The following GALK2 variants were observed in gnomAD, a reference collection of about 807,000 sequenced individuals.
GALK2 encodes N-acetylgalactosamine kinase.
A neutral mutation model predicts 52.4 loss-of-function variants in GALK2; 36 were observed. The ratio of observed to expected loss-of-function variants is 0.69; its 90% confidence interval spans 0.53 to 0.91. The LOEUF is 0.91. Among genes scored for constraint, GALK2 ranks in the 40% least tolerant of loss-of-function variants. The pLI is 0.00. For synonymous variants in GALK2, 176 were observed against 199.1 expected (o/e 0.88, Z 0.98); for missense variants, 579 against 559.1 (o/e 1.04, Z -0.36).
chr15:49,334,337 A>C (rs1188469986), downstream of GALK2: 12 of 593,790 alleles, frequency 2.0e-5, no homozygotes, highest in Non-Finnish European at 2.3e-5. Context: ...TAATGCAGGC[A>C]TTACTAATTG....
rs979784503 is a variant in GALK2, at chr15:49,186,185, A to T, written c.54-14977A>T. On this transcript the variant is annotated intron_variant, in intron 1 of 9. Transcript: ENST00000560031. ...AAAGTTCTCTTTTATTATCCCTTTG[A>T]ATAAACGTCCTATCCCAGTCTCTCT... 4.6e-5 allele frequency among the ~76,000 whole-genome samples: 7 copies of T among 152,196 alleles called. No individual in the cohort carries two copies. The East Asian group carries it at 1.3e-3, about 29-fold the overall frequency.
At chr15:49,353,697 GTAT>G (rs974631389) in intron 3 of GALK2, 16 of 150,140 alleles carry the variant, frequency 1.1e-4, no homozygotes, top group African/African-American at 3.9e-4. Flanking sequence ...TTCGCCCAGA[GTAT>G]TTTAGAAGGA....
At chr15:49,303,240 T>C (rs2141876418) in intron 8 of GALK2, among the ~76,000 whole-genome samples, 1 of 152,322 alleles carries the variant, frequency 6.6e-6, no homozygotes, top group Admixed American at 6.5e-5. Context: ...TCCCTATTCA[T>C]TGGTTCACCT....
chr15:49,363,209 T>C (rs1189140170), intron 3 of GALK2, among the ~76,000 whole-genome samples: 1 of 152,248 alleles, frequency 6.6e-6, no homozygotes, highest in Non-Finnish European at 1.5e-5. Context: ...TAAATTGCTT[T>C]GGGCAGTATG....
intron 1 of GALK2, among the ~76,000 whole-genome samples, chr15:49,190,864 A>G (rs139847400): frequency 8.6e-4 from 131 of 152,158 alleles, no homozygotes; most frequent in Middle Eastern, 3.4e-3. Flanking sequence ...TTTTTTGTCT[A>G]TAAATTTGTT....
chr15:49,266,618 G>A (rs569808695), intron 5 of GALK2, among the ~76,000 whole-genome samples: 42 of 152,172 alleles, frequency 2.8e-4, no homozygotes, highest in African/African-American at 8.4e-4. Flanking sequence ...GACATAGATC[G>A]CTTAAAACTG....
intron 2 of GALK2, among the ~76,000 whole-genome samples, chr15:49,214,228 G>A (rs953634872): frequency 1.3e-5 from 2 of 151,658 alleles, no homozygotes; most frequent in African/African-American, 4.9e-5. Context: ...TTAAGCAGAT[G>A]ACAGCTTAAC....
intron 5 of GALK2, among the ~76,000 whole-genome samples, chr15:49,261,475 A>G (rs2092106792): frequency 6.6e-6 from 1 of 152,016 alleles, no homozygotes; most frequent in Admixed American, 6.5e-5. Context: ...GGGCTGAGAC[A>G]ATGGGGTTTT....
At chr15:49,198,857 C>CCCTCCCTA (rs2087477720) in intron 1 of GALK2, 1 of 138,088 alleles carries the variant, frequency 7.2e-6, no homozygotes, top group Non-Finnish European at 1.6e-5. Context: ...CTCCCTCCCT[C>CCCTCCCTA]CCTCCCTTCC....
At chr15:49,354,413 G>A (rs994101520) in intron 3 of GALK2, among the ~76,000 whole-genome samples, 2 of 152,218 alleles carry the variant, frequency 1.3e-5, no homozygotes, top group Admixed American at 1.3e-4. Context: ...CCGAAGCAGG[G>A]CGAGGCATTG....
intron 5 of GALK2, among the ~76,000 whole-genome samples, chr15:49,276,904 G>GTT (rs34440691): frequency 0.15 from 11,397 of 77,376 alleles, 737 homozygotes; most frequent in Non-Finnish European, 0.17. Flanking sequence ...AGAATCTGAG[G>GTT]TTTTTTTTTT....
chr15:49,328,243 T>A lies in GALK2; in HGVS notation c.*84T>A. 1 of 1,497,472 alleles carries A rather than the reference T, an allele frequency of 6.7e-7. No individual in the cohort carries two copies. Among genetic ancestry groups the A allele is most frequent in the Non-Finnish European group, 8.9e-7 (1 of 1,122,236 alleles). The allele number at this position is 1,497,472 out of a possible 1,614,324, so 92.8% of individuals were successfully genotyped here. On this transcript the variant is annotated 3_prime_UTR_variant, in exon 10 of 10. Transcript: ENST00000560031. ...CTGTGCCACAGTAAATTAATCTTCC[T>A]TCTGTTTTGTATTATGATGAACGGT...
intron 8 of GALK2, among the ~76,000 whole-genome samples, chr15:49,315,074 A>G (rs2036292710): frequency 6.6e-6 from 1 of 152,250 alleles, no homozygotes; most frequent in Non-Finnish European, 1.5e-5. Flanking sequence ...ATATATAGCC[A>G]TGAACATTTA....
At chr15:49,172,971 G>A (rs1471311949) in intron 1 of GALK2, among the ~76,000 whole-genome samples, 1 of 152,136 alleles carries the variant, frequency 6.6e-6, no homozygotes, top group East Asian at 1.9e-4. Context: ...TATTCATAGA[G>A]CTATGCAACC....
At chr15:49,314,796 G>A (rs1399800895) in intron 8 of GALK2, among the ~76,000 whole-genome samples, 1 of 152,242 alleles carries the variant, frequency 6.6e-6, no homozygotes, top group Non-Finnish European at 1.5e-5. Context: ...ATATGTATGT[G>A]TGTGGGCTAC....
At chr15:49,208,986 T>G (rs2088568169) in intron 2 of GALK2, among the ~76,000 whole-genome samples, 1 of 152,216 alleles carries the variant, frequency 6.6e-6, no homozygotes, top group African/African-American at 2.4e-5. Flanking sequence ...TCTGCTCGCT[T>G]TGGTGTCCAT....
In GALK2 at chr15:49,292,522, C is replaced by A. The variant is rs747353720; in HGVS notation, c.952C>A (p.Pro318Thr). The A allele has an allele frequency of 6.2e-7, 1 of 1,613,328 alleles. No individual in the cohort carries two copies. The highest frequency in any genetic ancestry group is 8.5e-7 in the Non-Finnish European group (1 of 1,179,388). The change falls in exon 8 of 10, where the codon CCA (proline) becomes ACA (threonine). Residue 318 changes from proline (P) to threonine (T), a missense_variant. Pro to Thr is a conservative substitution (Grantham distance 38). Transcript: ENST00000560031. The stretch of plus-strand genomic sequence containing the variant: ...GGAACTCCGAACCCAAATCCTGAGT[C>A]CAAACACTCAAGATGGTGAGTTGGC... Reference protein sequence around the residue: ...LEELRTQILSPNTQDVLIFKL... With the variant: ...LEELRTQILSTNTQDVLIFKL...
At chr15:49,335,422 C>A, downstream of GALK2, 2 of 1,602,722 alleles carry the variant, frequency 1.2e-6, no homozygotes, top group Non-Finnish European at 1.7e-6. Flanking sequence ...AACTTACATC[C>A]TAAAATCCTT....
intron 1 of GALK2, among the ~76,000 whole-genome samples, chr15:49,188,429 C>T (rs2086510427): frequency 6.6e-6 from 1 of 152,196 alleles, no homozygotes; most frequent in Non-Finnish European, 1.5e-5. Flanking sequence ...CAAAGCAAAG[C>T]CCCATAATCA....
Sources: allele counts gnomAD v4.1 joint callset (sites outside exome capture counted in the v4.1 genomes callset), GRCh38; gene constraint gnomAD v4.1.1; transcripts MANE v1.5; gene names NCBI Gene and HGNC (gene_info 2026-07-23, HGNC 2026-07-21).